The following COL1A1 variants were observed in gnomAD, a reference collection of about 807,000 sequenced individuals.
The protein encoded by COL1A1 is collagen alpha-1(I) chain.
COL1A1 carries 21 observed loss-of-function variants against 195.7 expected under a neutral mutation model. The ratio of observed to expected loss-of-function variants is 0.11; its 90% CI spans 0.08 to 0.15. COL1A1 has a LOEUF of 0.15. Among genes scored for constraint, COL1A1 ranks in the 10% least tolerant of loss-of-function variants. The pLI, the probability that COL1A1 is intolerant of heterozygous loss-of-function variation, is 1.00. For missense variants in COL1A1, 1,365 were observed against 2,051.0 expected (o/e 0.67, Z 6.46); for synonymous variants, 749 against 747.3 (o/e 1.00, Z -0.04).
chr17:50,200,993 C>T (rs973529760), intron 1 of COL1A1, among the ~76,000 whole-genome samples: 12 of 152,258 alleles, frequency 7.9e-5, no homozygotes, highest in Non-Finnish European at 1.5e-4. Context: ...ACGGCCCCAG[C>T]AACACTCTAG....
In COL1A1 at chr17:50,195,337, G is replaced by A; in HGVS notation, c.1201-7C>T. On this transcript the variant is annotated splice_polypyrimidine_tract_variant and splice_region_variant and intron_variant, in intron 18 of 50. Coordinates refer to ENST00000225964, the MANE Select transcript of COL1A1 (RefSeq NM_000088.4). This position sits in a 1 kb window ranked among gnomAD's most constrained non-coding sequence, Gnocchi z 4.3. ...CAGCAATACCAGGAGCACCCTGTGGGAGGCAGACAGCCAGGGCGTGAGCCT... is the reference window on the plus strand; with the variant it reads ...CAGCAATACCAGGAGCACCCTGTGGAAGGCAGACAGCCAGGGCGTGAGCCT... 3 of 1,613,914 alleles carry A rather than the reference G, an allele frequency of 1.9e-6. No individual in the cohort carries two copies. The highest frequency in any genetic ancestry group is 1.7e-6 in the Non-Finnish European group (2 of 1,179,922).
chr17:50,200,081 C>T (rs1205829026), intron 1 of COL1A1, 134 bp from the exon 2 acceptor site: 3 of 1,017,854 alleles, frequency 2.9e-6, no homozygotes, highest in Non-Finnish European at 3.0e-6. Flanking sequence ...TCCTCAAATC[C>T]TTAAAAGCTC....
Position 50,190,129 on chromosome 17 carries a change from G to A in COL1A1, c.2452-21C>T. The A allele has an allele frequency of 6.3e-7, 1 of 1,599,222 alleles. No individual in the cohort carries two copies. The highest frequency in any genetic ancestry group is 8.6e-7 in the Non-Finnish European group (1 of 1,166,636). Reference sequence around the variant, plus strand: ...GCACCCTGGGGGAGGAAGCAGGGCGGTGAATGGAGGGAAGGAGGCAGGAGT... The same window carrying A: ...GCACCCTGGGGGAGGAAGCAGGGCGATGAATGGAGGGAAGGAGGCAGGAGT... On this transcript the variant is annotated intron_variant, in intron 35 of 50. Coordinates refer to ENST00000225964, the MANE Select transcript of COL1A1 (RefSeq NM_000088.4). This position sits in a 1 kb window ranked among gnomAD's most constrained non-coding sequence, Gnocchi z 4.7.
At chr17:50,196,437 C>T (rs761753534) in intron 13 of COL1A1, 47 bp downstream of exon 13, 2 of 1,613,992 alleles carry the variant, frequency 1.2e-6, no homozygotes, top group Admixed American at 1.7e-5. Context: ...TCCATCTTGC[C>T]CCTGCCTCCT....
chr17:50,193,359 CA>C (rs1254767341), intron 25 of COL1A1: 3 of 500,624 alleles, frequency 6.0e-6, no homozygotes, highest in African/African-American at 5.8e-5. Context: ...GGGTGCCTAT[CA>C]TATCAAAGGC....
intron 29 of COL1A1, 88 bp downstream of exon 29, chr17:50,192,387 T>C: frequency 7.0e-7 from 1 of 1,430,658 alleles, no homozygotes; most frequent in South Asian, 1.2e-5. Flanking sequence ...TCCCTCTAGT[T>C]GATGGCTGTC....
chr17:50,194,543 G>C lies in COL1A1; in HGVS notation c.1515+30C>G, dbSNP rs41316653. ...AAGAAGATGCCCAGGGAGCGGCAGG[G>C]TCAGCCCCCCGGCCGCAAGGAGAGG... On this transcript the variant is annotated intron_variant, in intron 22 of 50. Transcript: ENST00000225964. This position sits in a 1 kb window ranked among gnomAD's most constrained non-coding sequence, Gnocchi z 6.8. The C allele has an allele frequency of 4.0e-3, 6,400 of 1,607,776 alleles. 220 individuals are homozygous for C. In the African/African-American group the frequency reaches 0.069, roughly 17 times the overall value.
chr17:50,187,907 A>G lies in COL1A1; in HGVS notation c.3338T>C (p.Phe1113Ser). The G allele has an allele frequency of 6.2e-7, 1 of 1,610,868 alleles. No individual in the cohort carries two copies. Among genetic ancestry groups the G allele is most frequent in the South Asian group, 1.1e-5 (1 of 90,724 alleles). The change falls in exon 45 of 51, where the codon TTC (phenylalanine) becomes TCC (serine). Residue 1113 changes from phenylalanine to serine, a missense_variant. By Grantham distance (155) the Phe-to-Ser change is radical. Around this residue, in one of 5 missense-constraint regions of COL1A1, gnomAD observed 671 missense variants for 1,099.9 expected, o/e 0.61. Transcript: ENST00000225964. ...GDRGIKGHRG[F>S]SGLQGPPGPP... is the part of the protein sequence containing the mutation. ...GCCAGGGGGACCCTGGAGGCCAGAG[A>G]AGCCACGGTGACCCTTTATGCCTCT...
At chr17:50,193,711 G>C (rs1462564173) in intron 25 of COL1A1, 1 of 539,900 alleles carries the variant, frequency 1.9e-6, no homozygotes, top group Non-Finnish European at 3.4e-6. Flanking sequence ...TCAAACTCCT[G>C]ACCTCATGGT....
chr17:50,188,097 G>T lies in COL1A1; in HGVS notation c.3260C>A (p.Ala1087Asp). The stretch of plus-strand genomic sequence containing the variant: ...TGGGGGACACAGCAGGGTACTTACG[G>T]CGGGGCCACGGGCGCCAACAGGGCC... ...PVGPVGARGP[A>D]GPQGPRGDKG... The change falls in exon 44 of 51, where the codon GCC (alanine) becomes GAC (aspartate). Residue 1087 changes from alanine (A) to aspartate (D), a missense_variant and splice_region_variant. By Grantham distance (126) the Ala-to-Asp change is moderately radical. This residue lies in a region of COL1A1 where 671 missense variants were observed against 1,099.9 expected (regional missense o/e 0.61). Transcript: ENST00000225964. The surrounding 1 kb of genome is among the most constrained non-coding windows in gnomAD (Gnocchi z 5.6). 1 of 1,599,508 alleles carries T rather than the reference G, an allele frequency of 6.3e-7. No individual in the cohort carries two copies. Among genetic ancestry groups the T allele is most frequent in the Non-Finnish European group, 8.5e-7 (1 of 1,172,058 alleles).
chr17:50,188,606 G>A lies in COL1A1; in HGVS notation c.3131C>T (p.Pro1044Leu), dbSNP rs1242119056. Residue 1044 changes from proline to leucine, a missense_variant, in exon 43 of 51, where the codon CCC (proline) becomes CTC (leucine). Transcript: ENST00000225964. The surrounding 1 kb of genome is among the most constrained non-coding windows in gnomAD (Gnocchi z 5.6). Reference sequence around the variant, plus strand: ...ACCAGGAGCACCAGGAGCACCAGGGGGTCCAGCGGGGCCGGTCTCACCACG... The same window carrying A: ...ACCAGGAGCACCAGGAGCACCAGGGAGTCCAGCGGGGCCGGTCTCACCACG... ...GDRGETGPAG[P>L]PGAPGAPGAP... The A allele has an allele frequency of 1.9e-6, 3 of 1,614,020 alleles. No homozygotes were observed. Among genetic ancestry groups the A allele is most frequent in the Non-Finnish European group, 2.5e-6 (3 of 1,179,982 alleles).
chr17:50,195,695 C>A lies in COL1A1; in HGVS notation c.1057-30G>T. 6.2e-7 allele frequency: 1 copy of A among 1,608,184 alleles called. No homozygotes were observed. ...ATCAGAAGAAAGGACATATCAGAAG[C>A]CACCCTGGGAAACCCAACCTTGCCT... On this transcript the variant is annotated intron_variant, in intron 16 of 50. Coordinates refer to ENST00000225964, the MANE Select transcript of COL1A1 (RefSeq NM_000088.4). This position sits in a 1 kb window ranked among gnomAD's most constrained non-coding sequence, Gnocchi z 4.3.
Position 50,187,003 on chromosome 17 carries a change from G to C in COL1A1, c.3531+12C>G. On this transcript the variant is annotated intron_variant, in intron 47 of 50. Transcript: ENST00000225964. ...GGAGGGCCATGAGCAGAGGGGATGA[G>C]GGGCTACATACAACAGGACCAGCAT... The C allele has an allele frequency of 6.2e-7, 1 of 1,612,650 alleles. No individual in the cohort carries two copies. Among genetic ancestry groups the C allele is most frequent in the Non-Finnish European group, 8.5e-7 (1 of 1,179,048 alleles).
chr17:50,189,899 G>C lies in COL1A1; in HGVS notation c.2573C>G (p.Ala858Gly), dbSNP rs550053089. ...GCCGCGAGCACCTTTGGCTCCAGGA[G>C]CACCAACATTACCCTGTAGGAGAGC... Reference protein sequence around the residue: ...GPPGPIGNVGAPGAKGARGSA... With the variant: ...GPPGPIGNVGGPGAKGARGSA... Residue 858 changes from alanine (A) to glycine (G), a missense_variant, in exon 37 of 51, where the codon GCT becomes GGT. Coordinates refer to ENST00000225964, the MANE Select transcript of COL1A1 (RefSeq NM_000088.4). This position sits in a 1 kb window ranked among gnomAD's most constrained non-coding sequence, Gnocchi z 5.5. 6.2e-7 allele frequency: 1 copy of C among 1,611,266 alleles called. No homozygotes were observed. Among genetic ancestry groups the C allele is most frequent in the East Asian group, 2.2e-5 (1 of 44,648 alleles).
intron 9 of COL1A1, among the ~76,000 whole-genome samples, 158 bp from the exon 10 acceptor site, chr17:50,197,391 G>C (rs1907690837): frequency 6.6e-6 from 1 of 152,248 alleles, no homozygotes; most frequent in Non-Finnish European, 1.5e-5. Context: ...TAAATCTACA[G>C]TGAAACCTTC....
rs1373652132 is a variant in COL1A1 at position 50,199,912 on chromosome 17, A to G, written c.139T>C (p.Tyr47His). 3.7e-6 allele frequency: 6 copies of G among 1,614,122 alleles called. No individual in the cohort carries two copies. The Admixed American group carries it at 5.0e-5, about 13-fold the overall frequency. ...PITCVQNGLRYHDRDVWKPEP... is the reference protein window; with the variant it reads ...PITCVQNGLRHHDRDVWKPEP... ...GGTTTCCACACGTCTCGGTCATGGT[A>G]CCTGAGGCCGTTCTGTACGCAGGTG... is the stretch of plus-strand genomic sequence containing the variant. Residue 47 changes from tyrosine to histidine, a missense_variant, in exon 2 of 51, where the codon TAC becomes CAC. By Grantham distance (83) the Tyr-to-His change is moderately conservative (BLOSUM62 2). This residue lies in a region of COL1A1 where 194 missense variants were observed against 221.7 expected (regional missense o/e 0.88). Coordinates refer to ENST00000225964, the MANE Select transcript of COL1A1 (RefSeq NM_000088.4).
In COL1A1 at chr17:50,191,469, C is replaced by T; in HGVS notation, c.2149G>A (p.Ala717Thr). 1 of 1,614,032 alleles carries T rather than the reference C, an allele frequency of 6.2e-7. No individual in the cohort carries two copies. Among genetic ancestry groups the T allele is most frequent in the Non-Finnish European group, 8.5e-7 (1 of 1,179,956 alleles). ...GAKGDAGAPG[A>T]PGSQGAPGLQ... ...CCAGGGGCGCCCTGGCTACCGGGAG[C>T]TCCAGGGGCACCAGCATCACCCTAT... The change falls in exon 32 of 51, where the codon GCT becomes ACT. Residue 717 changes from alanine to threonine, a missense_variant. Ala to Thr is a moderately conservative substitution (Grantham distance 58). Coordinates refer to ENST00000225964, the MANE Select transcript of COL1A1 (RefSeq NM_000088.4).
Position 50,188,629 on chromosome 17 carries a change from A to G in COL1A1, c.3108T>C (p.Arg1036=), listed in dbSNP as rs372799058. Residue 1036 remains arginine, a synonymous_variant, in exon 43 of 51, where the codon CGT becomes CGC. Transcript: ENST00000225964. This position sits in a 1 kb window ranked among gnomAD's most constrained non-coding sequence, Gnocchi z 5.6. The stretch of plus-strand genomic sequence containing the variant: ...GGGGTCCAGCGGGGCCGGTCTCACC[A>G]CGGTCACCCTGGCGGGGAGAGCAGG... The part of the protein sequence containing the change: ...RDGSPGAKGD[R]GETGPAGPPG... 2 of 1,613,244 alleles carry G rather than the reference A, an allele frequency of 1.2e-6. No homozygotes were observed. Among genetic ancestry groups the G allele is most frequent in the Non-Finnish European group, 1.7e-6 (2 of 1,179,786 alleles).
In COL1A1 at chr17:50,190,256, G is replaced by T; in HGVS notation, c.2451+71C>A. ...TCCCCTGAGGATGGCTGACGCCTTT[G>T]TCCTCATTCCGTCCCTCGAGGTCCC... On this transcript the variant is annotated intron_variant, in intron 35 of 50. Coordinates refer to ENST00000225964, the MANE Select transcript of COL1A1 (RefSeq NM_000088.4). This position sits in a 1 kb window ranked among gnomAD's most constrained non-coding sequence, Gnocchi z 4.7. 7.6e-7 allele frequency: 1 copy of T among 1,316,936 alleles called. No individual in the cohort carries two copies. The highest frequency in any genetic ancestry group is 1.1e-6 in the Non-Finnish European group (1 of 908,974). The allele number at this position is 1,316,936 out of a possible 1,614,324, so 81.6% of individuals were successfully genotyped here.
Sources: gnomAD v4.1 joint callset for allele counts (sites outside exome capture counted in the v4.1 genomes callset) on GRCh38, gnomAD v4.1.1 for gene constraint, gnomAD v4.1.1 regional missense constraint, Gnocchi (gnomAD v3.1) non-coding constraint, MANE v1.5 for transcripts, NCBI Gene and HGNC (gene_info 2026-07-23, HGNC 2026-07-21) for gene names.